The following SMAP1 variants were observed in gnomAD, a reference collection of about 807,000 sequenced individuals.
SMAP1 encodes stromal membrane-associated protein 1.
SMAP1 carries 24 observed loss-of-function variants against 58.5 expected under a neutral mutation model. The ratio of observed to expected loss-of-function variants is 0.41; its 90% CI spans 0.30 to 0.58. The LOEUF (loss-of-function observed/expected upper bound fraction) is 0.58, where lower values mean the gene tolerates loss of function less well. SMAP1 is among the 20% of genes least tolerant of loss of function. SMAP1 has a pLI of 0.29. For missense variants in SMAP1, 563 were observed against 566.3 expected (o/e 0.99, Z 0.06); for synonymous variants, 216 against 196.6 (o/e 1.10, Z -0.82).
At chr6:70,826,702 G>C (rs866417432) in intron 6 of SMAP1, among the ~76,000 whole-genome samples, 2 of 151,986 alleles carry the variant, frequency 1.3e-5, no homozygotes, top group Non-Finnish European at 2.9e-5. Flanking sequence ...GCTTCAGTGC[G>C]TGGTGATTGC....
At chr6:70,819,051 C>A (rs1769768884) in intron 6 of SMAP1, among the ~76,000 whole-genome samples, 1 of 152,108 alleles carries the variant, frequency 6.6e-6, no homozygotes, top group Admixed American at 6.5e-5. Flanking sequence ...CAGCTCCTGG[C>A]AACCACTAAT....
At position 70,721,708 on chromosome 6, in the gene SMAP1, C is replaced by G. The variant is rs185856772; in HGVS notation, c.119-10670C>G. Among the ~76,000 whole-genome samples, 13 of 152,318 alleles carry G rather than the reference C, an allele frequency of 8.5e-5. 1 individual carries two copies. Among genetic ancestry groups the G allele is most frequent in the African/African-American group, 3.1e-4 (13 of 41,566 alleles). On this transcript the variant is annotated intron_variant, in intron 1 of 10. Transcript: ENST00000370455. ...TGGTTTAATTGGACTTACAGTTCCA[C>G]ATGGCTGGGGAGGCCTCAGAATCAC...
rs972347297 is a variant in SMAP1 at position 70,700,527 on chromosome 6, G to A, written c.119-31851G>A. Among the ~76,000 whole-genome samples the A allele has an allele frequency of 5.3e-5, 8 of 152,132 alleles. No homozygotes were observed. The East Asian group carries it at 1.5e-3, about 29-fold the overall frequency. ...TGGCCAGACAGGTCTCAAACTCCTG[G>A]CCTCAAGTGATCCACCTGCCTTGGC... On this transcript the variant is annotated intron_variant, in intron 1 of 10. Transcript: ENST00000370455.
At chr6:70,676,228 T>C (rs1766477620) in intron 1 of SMAP1, among the ~76,000 whole-genome samples, 1 of 152,238 alleles carries the variant, frequency 6.6e-6, no homozygotes, top group Non-Finnish European at 1.5e-5. Context: ...ATATTGAATC[T>C]TTTGAATCTT....
intron 1 of SMAP1, among the ~76,000 whole-genome samples, chr6:70,729,013 T>C (rs965703035): frequency 3.3e-5 from 5 of 152,172 alleles, no homozygotes; most frequent in African/African-American, 7.2e-5. Context: ...CTTTTTTTTT[T>C]CCCTGTTTTT....
At chr6:70,811,025 A>C (rs1211740695) in intron 6 of SMAP1, among the ~76,000 whole-genome samples, 1 of 152,220 alleles carries the variant, frequency 6.6e-6, no homozygotes, top group Non-Finnish European at 1.5e-5. Context: ...CTTACAATCA[A>C]TTTTTAAAAC....
chr6:70,676,346 A>G (rs977012217), intron 1 of SMAP1, among the ~76,000 whole-genome samples: 10 of 152,176 alleles, frequency 6.6e-5, no homozygotes, highest in African/African-American at 1.7e-4. Context: ...GCCTCAGTAT[A>G]TCTGTGCTGG....
intron 6 of SMAP1, among the ~76,000 whole-genome samples, chr6:70,808,891 A>G (rs1769261185): frequency 7.5e-6 from 1 of 134,192 alleles, no homozygotes; most frequent in South Asian, 2.6e-4. Flanking sequence ...TTTCTAGTGC[A>G]GGCTGTTTCC....
chr6:70,812,062 T>C (rs899425962), intron 6 of SMAP1, among the ~76,000 whole-genome samples: 3 of 152,214 alleles, frequency 2.0e-5, no homozygotes, highest in Non-Finnish European at 4.4e-5. Context: ...TTAAAACTTA[T>C]GAATTGCTTA....
intron 1 of SMAP1, among the ~76,000 whole-genome samples, chr6:70,690,340 CTT>C (rs1461800816): frequency 1.3e-5 from 2 of 151,726 alleles, no homozygotes; most frequent in Non-Finnish European, 2.9e-5. Context: ...GACTTTCGCT[CTT>C]GTTGCCCAGG....
intron 10 of SMAP1, chr6:70,859,878 C>A (rs190929899): frequency 4.8e-5 from 10 of 207,598 alleles, no homozygotes; most frequent in Non-Finnish European, 5.8e-5. Context: ...AATTTTCTTA[C>A]TCCTTAGTAG....
intron 2 of SMAP1, among the ~76,000 whole-genome samples, chr6:70,749,348 G>GT (rs1338618722): frequency 6.6e-6 from 1 of 152,130 alleles, no homozygotes; most frequent in Non-Finnish European, 1.5e-5. Flanking sequence ...TGAGATCTGG[G>GT]TGGGGACACG....
intron 2 of SMAP1, among the ~76,000 whole-genome samples, chr6:70,736,003 C>A (rs1765603199): frequency 6.6e-6 from 1 of 151,650 alleles, no homozygotes; most frequent in Non-Finnish European, 1.5e-5. Flanking sequence ...TAAAAATGTT[C>A]TTTGTGTGTG....
At chr6:70,706,192 TC>T (rs1336352748) in intron 1 of SMAP1, among the ~76,000 whole-genome samples, 1 of 152,172 alleles carries the variant, frequency 6.6e-6, no homozygotes, top group Non-Finnish European at 1.5e-5. Flanking sequence ...AGTTGGTGGA[TC>T]CTATTTTGAT....
At chr6:70,746,149 T>C (rs1321264332) in intron 2 of SMAP1, among the ~76,000 whole-genome samples, 2 of 152,220 alleles carry the variant, frequency 1.3e-5, no homozygotes, top group South Asian at 4.1e-4. Context: ...TTTTTCCTAA[T>C]TGAATACCCT....
intron 4 of SMAP1, among the ~76,000 whole-genome samples, chr6:70,787,606 A>G (rs1768114522): frequency 6.6e-6 from 1 of 152,232 alleles, no homozygotes; most frequent in African/African-American, 2.4e-5. Context: ...TTTACAGGAA[A>G]AAAACAAACA....
chr6:70,812,139 A>G (rs978935875), intron 6 of SMAP1, among the ~76,000 whole-genome samples: 1 of 152,196 alleles, frequency 6.6e-6, no homozygotes, highest in Non-Finnish European at 1.5e-5. Context: ...CTGAAAGCAA[A>G]ACGTTAGGTA....
chr6:70,771,623 G>A (rs1418565038), intron 3 of SMAP1, among the ~76,000 whole-genome samples: 1 of 152,120 alleles, frequency 6.6e-6, no homozygotes, highest in African/African-American at 2.4e-5. Context: ...TGTTGGGGTG[G>A]GAGTGACCCG....
chr6:70,858,064 G>A lies in SMAP1; in HGVS notation c.1104G>A (p.Val368=). The A allele has an allele frequency of 6.2e-7, 1 of 1,614,070 alleles. No homozygotes were observed. Among genetic ancestry groups the A allele is most frequent in the Non-Finnish European group, 8.5e-7 (1 of 1,179,992 alleles). Residue 368 remains valine (V), a synonymous_variant, in exon 10 of 11, where the codon GTG becomes GTA. Transcript: ENST00000370455. ...TGGGACAGAGTCCAAGCATGATGGT[G>A]GGCATGCCCATGCCCAATGGGTTTA... ...NVMGQSPSMM[V]GMPMPNGFMG...
Sources: allele counts gnomAD v4.1 joint callset (sites outside exome capture counted in the v4.1 genomes callset), GRCh38; gene constraint gnomAD v4.1.1; transcripts MANE v1.5; gene names NCBI Gene and HGNC (gene_info 2026-07-23, HGNC 2026-07-21).